CACNA2D2: variants seen among roughly 807,000 people sequenced by gnomAD.
CACNA2D2 encodes the protein calcium voltage-gated channel auxiliary subunit alpha2delta 2.
Under a neutral mutation model 166.4 loss-of-function variants are expected in CACNA2D2, and 48 were observed. The ratio of observed to expected loss-of-function variants is 0.29; its 90% CI spans 0.23 to 0.37. CACNA2D2 has a LOEUF of 0.37. CACNA2D2 is among the 10% of genes least tolerant of loss of function. The pLI is 1.00. For synonymous variants in CACNA2D2, 561 were observed against 573.7 expected, an observed-to-expected ratio of 0.98 and a Z score of 0.32; for missense variants, 1,122 against 1,433.0, an observed-to-expected ratio of 0.78 and a Z score of 3.50.
intron 4 of CACNA2D2, among the ~76,000 whole-genome samples, chr3:50,392,622 C>A (rs1705940168): frequency 6.6e-6 from 1 of 152,196 alleles, no homozygotes; most frequent in South Asian, 2.1e-4. Flanking sequence ...GTACTCAGGG[C>A]CCAAGGGCTG....
At chr3:50,435,141 G>A (rs1708253193) in intron 2 of CACNA2D2, among the ~76,000 whole-genome samples, 1 of 151,824 alleles carries the variant, frequency 6.6e-6, no homozygotes. Flanking sequence ...GAGGGTGTGT[G>A]TGTGTGTGTG....
In CACNA2D2 at chr3:50,377,565, T is replaced by C. The variant is rs1480689774; in HGVS notation, c.1552-24A>G. 1.9e-6 allele frequency: 3 copies of C among 1,610,040 alleles called. No homozygotes were observed. The African/African-American group carries it at 4.0e-5, about 22-fold the overall frequency. On this transcript the variant is annotated intron_variant, in intron 16 of 37. Transcript: ENST00000424201. ...TTCTGGGAGCAGAAGCATGGGGGGC[T>C]CCTCAGTGAGCTCAATTCCATGGGG... is the stretch of plus-strand genomic sequence containing the variant.
chr3:50,451,498 A>T (rs2106957747), intron 2 of CACNA2D2, among the ~76,000 whole-genome samples: 1 of 152,148 alleles, frequency 6.6e-6, no homozygotes, highest in East Asian at 1.9e-4. Flanking sequence ...CCTGAAGTTC[A>T]GGCCCCTGAA....
chr3:50,398,698 C>T (rs574142244), intron 3 of CACNA2D2, among the ~76,000 whole-genome samples: 40 of 152,258 alleles, frequency 2.6e-4, no homozygotes, highest in African/African-American at 9.1e-4. Flanking sequence ...CTTGCCTGGC[C>T]CGTGACGTCC....
At chr3:50,479,491 C>G (rs1317871001) in intron 1 of CACNA2D2, among the ~76,000 whole-genome samples, 1 of 152,246 alleles carries the variant, frequency 6.6e-6, no homozygotes, top group South Asian at 2.1e-4. Flanking sequence ...TCCATTGTCA[C>G]AGAGATGTGA....
rs140117542 is a variant in CACNA2D2 at position 50,366,152 on chromosome 3, G to T, written c.2721C>A (p.Phe907Leu). The T allele has an allele frequency of 6.2e-7, 1 of 1,613,998 alleles. No individual in the cohort carries two copies. Among genetic ancestry groups the T allele is most frequent in the Non-Finnish European group, 8.5e-7 (1 of 1,179,976 alleles). Residue 907 changes from phenylalanine to leucine, a missense_variant, in exon 32 of 38, where the codon TTC becomes TTA. Transcript: ENST00000424201. This position sits in a 1 kb window ranked among gnomAD's most constrained non-coding sequence, Gnocchi z 5.9. Reference sequence around the variant, plus strand: ...TCAGGTTGGCATCCACCTCACTGAAGAACCTGCCCACCTGAGGATGTCAGG... The same window carrying T: ...TCAGGTTGGCATCCACCTCACTGAATAACCTGCCCACCTGAGGATGTCAGG... ...QNHQWDQVGRFFSEVDANLML... is the reference protein window; with the variant it reads ...QNHQWDQVGRLFSEVDANLML...
At position 50,378,912 on chromosome 3, in the gene CACNA2D2, T is replaced by C. The variant is rs758926385; in HGVS notation, c.1339+3A>G. 9.9e-6 allele frequency: 16 copies of C among 1,612,570 alleles called. No individual in the cohort carries two copies. Among genetic ancestry groups the C allele is most frequent in the Non-Finnish European group, 1.7e-6 (2 of 1,179,810 alleles). Reference sequence around the variant, plus strand: ...CCCTGACAGTGATGCGCAGGGGAGGTACCTTTGTTGGCACAGGCCATCCAC... The same window carrying C: ...CCCTGACAGTGATGCGCAGGGGAGGCACCTTTGTTGGCACAGGCCATCCAC... On this transcript the variant is annotated splice_donor_region_variant and intron_variant, in intron 13 of 37. Coordinates refer to ENST00000424201, the MANE Select transcript of CACNA2D2 (RefSeq NM_006030.4).
At chr3:50,422,206 G>A (rs1707602293) in intron 3 of CACNA2D2, among the ~76,000 whole-genome samples, 1 of 152,028 alleles carries the variant, frequency 6.6e-6, no homozygotes, top group Non-Finnish European at 1.5e-5. Context: ...CAACTACAAA[G>A]GCCTCCACCC....
chr3:50,495,593 C>G (rs570066738), intron 1 of CACNA2D2, among the ~76,000 whole-genome samples: 1 of 152,330 alleles, frequency 6.6e-6, no homozygotes, highest in East Asian at 1.9e-4. Flanking sequence ...ATCATCCCTC[C>G]AGATCATCAA....
intron 3 of CACNA2D2, among the ~76,000 whole-genome samples, chr3:50,397,400 T>C (rs1162600336): frequency 6.6e-6 from 1 of 151,902 alleles, no homozygotes; most frequent in Non-Finnish European, 1.5e-5. Flanking sequence ...TGGGGTGCAG[T>C]GGAGTGGGCA....
chr3:50,387,104 C>T (rs967527777), intron 5 of CACNA2D2, among the ~76,000 whole-genome samples: 1 of 152,086 alleles, frequency 6.6e-6, no homozygotes, highest in African/African-American at 2.4e-5. Flanking sequence ...AGGTGGGTGA[C>T]CCTAGGTGAG....
chr3:50,477,933 C>T (rs1697866310), intron 1 of CACNA2D2, among the ~76,000 whole-genome samples: 2 of 152,110 alleles, frequency 1.3e-5, no homozygotes, highest in South Asian at 4.1e-4. Context: ...AGGCCTGTGA[C>T]TAAGGGGCTG....
chr3:50,370,342 C>A lies in CACNA2D2; in HGVS notation c.2023G>T (p.Gly675Ter), dbSNP rs1553726992. Reference sequence around the variant, plus strand: ...TACCTGGGAGCAATGAAAACGTGTCCTTCAGACTCAAAGCTGCTGGGGAGC... The same window carrying A: ...TACCTGGGAGCAATGAAAACGTGTCATTCAGACTCAAAGCTGCTGGGGAGC... ...FLLPSSFESE[G>*]HVFIAPREYC... is the part of the protein sequence containing the mutation. The change falls in exon 23 of 38, where the codon GGA becomes TGA. Residue 675 changes from glycine (G) to a stop codon, truncating the protein, a stop_gained. Transcript: ENST00000424201. LOFTEE classifies it high-confidence loss of function. The A allele has an allele frequency of 6.3e-7, 1 of 1,589,116 alleles. No homozygotes were observed. The highest frequency in any genetic ancestry group is 8.6e-7 in the Non-Finnish European group (1 of 1,168,774).
chr3:50,418,944 T>C (rs557174105), intron 3 of CACNA2D2, among the ~76,000 whole-genome samples: 1 of 151,394 alleles, frequency 6.6e-6, no homozygotes, highest in African/African-American at 2.4e-5. Flanking sequence ...AGTGTGGGAG[T>C]TGGGGGATGA....
intron 1 of CACNA2D2, among the ~76,000 whole-genome samples, chr3:50,484,323 C>T (rs972431785): frequency 1.2e-4 from 19 of 152,138 alleles, no homozygotes; most frequent in South Asian, 2.1e-4. Flanking sequence ...GCTCACTCAC[C>T]GGCTTCCACC....
rs781660163 is a variant in CACNA2D2 at position 50,364,912 on chromosome 3, G to A, written c.3267C>T (p.His1089=). 3 of 1,613,418 alleles carry A rather than the reference G, an allele frequency of 1.9e-6. No homozygotes were observed. Among genetic ancestry groups the A allele is most frequent in the South Asian group, 2.2e-5 (2 of 91,090 alleles). ...CTGTCGCGTTGTAGTCGAAGCAGAT[G>A]TGCGGGCCTCTCCGGTATCGCGGTC... ...VQRPRYRRGP[H]ICFDYNATED... The change falls in exon 37 of 38, where the codon CAC becomes CAT. Residue 1089 remains histidine, a synonymous_variant. Transcript: ENST00000424201.
intron 2 of CACNA2D2, among the ~76,000 whole-genome samples, chr3:50,461,777 A>AAAGG (rs199830523): frequency 0.03 from 4,541 of 150,218 alleles, 238 homozygotes; most frequent in African/African-American, 0.11. Context: ...AAAAAGAAAG[A>AAAGG]AAGGAAGGAA....
At chr3:50,369,417 A>C (rs188120355) in intron 23 of CACNA2D2, among the ~76,000 whole-genome samples, 1 of 152,322 alleles carries the variant, frequency 6.6e-6, no homozygotes, top group East Asian at 1.9e-4. Flanking sequence ...TCACTAACAC[A>C]CAGAGCCACC....
intron 3 of CACNA2D2, among the ~76,000 whole-genome samples, chr3:50,413,111 C>T (rs1301915328): frequency 6.6e-6 from 1 of 152,156 alleles, no homozygotes; most frequent in African/African-American, 2.4e-5. Flanking sequence ...GTTATAAAAT[C>T]CCACCCAGCT....
Sources: allele counts gnomAD v4.1 joint callset (sites outside exome capture counted in the v4.1 genomes callset), GRCh38; gene constraint gnomAD v4.1.1; non-coding constraint Gnocchi (gnomAD v3.1); transcripts MANE v1.5; gene names NCBI Gene and HGNC (gene_info 2026-07-23, HGNC 2026-07-21).